GPHN: variants seen among roughly 807,000 people sequenced by gnomAD.
GPHN encodes the protein gephyrin.
GPHN carries 17 observed loss-of-function variants against 95.5 expected under a neutral mutation model. The ratio of observed to expected loss-of-function variants is 0.18; its 90% CI spans 0.12 to 0.27. The LOEUF is 0.27. Among genes scored for constraint, GPHN ranks in the 10% least tolerant of loss-of-function variants. The pLI, the probability that GPHN is intolerant of heterozygous loss-of-function variation, is 1.00. For synonymous variants in GPHN, 320 were observed against 322.5 expected, an observed-to-expected ratio of 0.99 and a Z score of 0.08; for missense variants, 660 against 978.1, an observed-to-expected ratio of 0.67 and a Z score of 4.34.
At chr14:67,275,884 C>G in the GPHN span, among the ~76,000 whole-genome samples, 1 of 152,116 alleles carries the variant, frequency 6.6e-6, no homozygotes, top group Non-Finnish European at 1.5e-5. Flanking sequence ...TCCATTTCTT[C>G]TAGATTTTCT....
intron 10 of GPHN, among the ~76,000 whole-genome samples, chr14:67,038,675 T>C (rs748516953): frequency 6.6e-6 from 1 of 152,146 alleles, no homozygotes; most frequent in Non-Finnish European, 1.5e-5. Context: ...TCTTCCAAGC[T>C]CCAGATTCTC....
chr14:67,676,511 G>A, the GPHN span, among the ~76,000 whole-genome samples: 5 of 152,092 alleles, frequency 3.3e-5, no homozygotes, highest in Non-Finnish European at 4.4e-5. Context: ...TGGGAGGATC[G>A]CTTGAGCCCA....
At chr14:67,455,839 T>C in the GPHN span, among the ~76,000 whole-genome samples, 2 of 152,198 alleles carry the variant, frequency 1.3e-5, no homozygotes, top group African/African-American at 4.8e-5. Context: ...GTGAAAGATA[T>C]GATCCCTACC....
At chr14:67,510,869 G>C in the GPHN span, among the ~76,000 whole-genome samples, 3 of 152,182 alleles carry the variant, frequency 2.0e-5, no homozygotes, top group African/African-American at 7.2e-5. Context: ...TGTCAGCAAG[G>C]TGGGCTTCTC....
chr14:67,365,097 T>TAA, the GPHN span: 6 of 1,227,086 alleles, frequency 4.9e-6, no homozygotes, highest in Non-Finnish European at 6.4e-6. Flanking sequence ...AGCTGCAGCT[T>TAA]AAAAAAAAAA....
chr14:67,620,895 AAAG>A, the GPHN span: 1 of 1,614,110 alleles, frequency 6.2e-7, no homozygotes, highest in Non-Finnish European at 8.5e-7. Flanking sequence ...GACTGACAGA[AAAG>A]AAAAGGAGTG....
intron 2 of GPHN, among the ~76,000 whole-genome samples, chr14:66,687,891 T>C (rs1323650563): frequency 6.6e-6 from 1 of 152,184 alleles, no homozygotes; most frequent in African/African-American, 2.4e-5. Context: ...GTAGAGATCT[T>C]TCACCCACTT....
At chr14:67,240,470 C>T in the GPHN span, among the ~76,000 whole-genome samples, 4 of 152,154 alleles carry the variant, frequency 2.6e-5, no homozygotes, top group African/African-American at 9.7e-5. Flanking sequence ...ACTGTGCCCC[C>T]GGGCTGGAGT....
chr14:67,200,147 G>T, the GPHN span: 3 of 1,137,666 alleles, frequency 2.6e-6, no homozygotes, highest in Non-Finnish European at 3.8e-6. Flanking sequence ...TCTCCCATGG[G>T]TCACCCAGGT....
intron 16 of GPHN, among the ~76,000 whole-genome samples, chr14:67,116,932 A>G (rs1465776469): frequency 2.6e-5 from 4 of 152,226 alleles, no homozygotes; most frequent in African/African-American, 9.6e-5. Flanking sequence ...GCTATTTGCA[A>G]CAGGAACATT....
chr14:66,631,580 C>T (rs1344939257), intron 1 of GPHN, among the ~76,000 whole-genome samples: 5 of 152,028 alleles, frequency 3.3e-5, no homozygotes, highest in South Asian at 2.1e-4. Context: ...ATAATTGTAT[C>T]TCATAGATTC....
At chr14:67,667,231 G>C in the GPHN span, among the ~76,000 whole-genome samples, 21 of 152,210 alleles carry the variant, frequency 1.4e-4, no homozygotes, top group African/African-American at 4.6e-4. Flanking sequence ...TTCCTTATGG[G>C]GATTTGAATT....
At chr14:66,699,548 T>C (rs2068371223) in intron 2 of GPHN, among the ~76,000 whole-genome samples, 1 of 152,170 alleles carries the variant, frequency 6.6e-6, no homozygotes, top group Admixed American at 6.5e-5. Flanking sequence ...AGAATTGTTA[T>C]AAGAAGTTGT....
chr14:67,225,962 T>TGTGTGTGTGTGTGTGTGTGTGTGTGC, the GPHN span, among the ~76,000 whole-genome samples: 3 of 113,490 alleles, frequency 2.6e-5, no homozygotes, highest in African/African-American at 1.0e-4. Context: ...TGTGTGTGTG[T>TGTGTGTGTGTGTGTGTGTGTGTGTGC]GCGCGCGCGC....
At chr14:67,303,597 G>C in the GPHN span, 1 of 1,610,406 alleles carries the variant, frequency 6.2e-7, no homozygotes, top group South Asian at 1.1e-5. Flanking sequence ...CAAGGAAACA[G>C]TAGTAAGTGA....
chr14:66,864,954 G>A (rs2063171900), intron 4 of GPHN, among the ~76,000 whole-genome samples: 1 of 152,158 alleles, frequency 6.6e-6, no homozygotes, highest in Admixed American at 6.5e-5. Context: ...ATAAGAACCT[G>A]TTATTTCCAA....
chr14:67,692,046 T>C, the GPHN span: 84 of 169,932 alleles, frequency 4.9e-4, no homozygotes, highest in Non-Finnish European at 9.2e-4. Context: ...TTCTATACTA[T>C]GGACCAGATG....
At chr14:67,643,087 G>A in the GPHN span, among the ~76,000 whole-genome samples, 2 of 152,204 alleles carry the variant, frequency 1.3e-5, no homozygotes, top group Non-Finnish European at 2.9e-5. Context: ...ACAGGCATGA[G>A]CCACTGTGCC....
At chr14:66,853,981 A>G (rs2062699446) in intron 4 of GPHN, among the ~76,000 whole-genome samples, 1 of 152,152 alleles carries the variant, frequency 6.6e-6, no homozygotes, top group African/African-American at 2.4e-5. Context: ...TTTATCACCA[A>G]ATGAAGTCCT....
Sources: gnomAD v4.1 joint callset for allele counts (sites outside exome capture counted in the v4.1 genomes callset) on GRCh38, gnomAD v4.1.1 for gene constraint, MANE v1.5 for transcripts, NCBI Gene and HGNC (gene_info 2026-07-23, HGNC 2026-07-21) for gene names.